Variants in TASP1 observed in about 807,000 individuals in gnomAD.
TASP1 encodes threonine aspartase 1.
TASP1 carries 16 observed loss-of-function variants against 56.6 expected under a neutral mutation model. That is an observed-to-expected ratio of 0.28 (90% CI 0.19 to 0.43). The LOEUF is 0.43. TASP1 is among the 20% of genes least tolerant of loss of function. TASP1 has a pLI of 1.00. For synonymous variants in TASP1, 179 were observed against 184.2 expected (o/e 0.97, Z 0.23); for missense variants, 393 against 511.6 (o/e 0.77, Z 2.24).
intron 4 of TASP1, among the ~76,000 whole-genome samples, chr20:13,598,279 A>G (rs1252986548): frequency 1.3e-5 from 2 of 152,340 alleles, no homozygotes; most frequent in Middle Eastern, 3.4e-3. Context: ...CTGACTTCAA[A>G]CTATACTACA....
At chr20:13,478,006 T>C (rs756525126) in intron 11 of TASP1, among the ~76,000 whole-genome samples, 4 of 152,150 alleles carry the variant, frequency 2.6e-5, no homozygotes, top group South Asian at 2.1e-4. Context: ...TTATCAAAAA[T>C]AGATTTAAAC....
the TASP1 span, among the ~76,000 whole-genome samples, chr20:13,139,262 G>A: frequency 6.6e-6 from 1 of 152,162 alleles, no homozygotes; most frequent in Non-Finnish European, 1.5e-5. Flanking sequence ...GAAAGATAAA[G>A]GGGTATTGGG....
chr20:13,245,636 C>G, the TASP1 span, among the ~76,000 whole-genome samples: 3 of 152,190 alleles, frequency 2.0e-5, no homozygotes, highest in African/African-American at 7.2e-5. Context: ...CCTGCACACT[C>G]TAGTGTAGTT....
the TASP1 span, among the ~76,000 whole-genome samples, chr20:13,231,814 G>T: frequency 6.6e-6 from 1 of 152,174 alleles, no homozygotes; most frequent in South Asian, 2.1e-4. Context: ...TGAGCTGCCT[G>T]ATTTGCAGTT....
At chr20:13,221,877 A>C in the TASP1 span, 1 of 1,412,732 alleles carries the variant, frequency 7.1e-7, no homozygotes. Flanking sequence ...GACGGGCCCG[A>C]CGCGGCCGCG....
intron 4 of TASP1, among the ~76,000 whole-genome samples, chr20:13,620,060 T>C (rs1039046552): frequency 2.0e-5 from 3 of 152,256 alleles, no homozygotes; most frequent in African/African-American, 7.2e-5. Flanking sequence ...ATAGGAACTT[T>C]TGCACCCGCC....
At chr20:13,290,147 G>C in the TASP1 span, among the ~76,000 whole-genome samples, 4 of 152,184 alleles carry the variant, frequency 2.6e-5, no homozygotes, top group African/African-American at 9.7e-5. Context: ...CAAAACAGTG[G>C]AGCAACCATT....
chr20:13,584,841 C>T (rs186463830), intron 5 of TASP1, among the ~76,000 whole-genome samples: 1 of 152,194 alleles, frequency 6.6e-6, no homozygotes, highest in African/African-American at 2.4e-5. Flanking sequence ...CCTAGAAAAA[C>T]GCACATGAAA....
chr20:13,403,902 C>T (rs2041827227), intron 13 of TASP1, among the ~76,000 whole-genome samples: 1 of 151,940 alleles, frequency 6.6e-6, no homozygotes, highest in South Asian at 2.1e-4. Flanking sequence ...AAAACAAAAA[C>T]CCAGATAGTC....
At chr20:13,285,302 TAAAA>T in the TASP1 span, among the ~76,000 whole-genome samples, 1 of 142,050 alleles carries the variant, frequency 7.0e-6, no homozygotes, top group African/African-American at 2.7e-5. Context: ...GCTTAAAAAA[TAAAA>T]AAGAAAGGAA....
chr20:13,530,685 G>C (rs533026753), intron 9 of TASP1, among the ~76,000 whole-genome samples: 1 of 152,262 alleles, frequency 6.6e-6, no homozygotes, highest in African/African-American at 2.4e-5. Flanking sequence ...CTTACCCTTT[G>C]CTCCTTCCCT....
At chr20:13,550,313 A>C (rs1348207812) in intron 8 of TASP1, among the ~76,000 whole-genome samples, 1 of 152,110 alleles carries the variant, frequency 6.6e-6, no homozygotes, top group African/African-American at 2.4e-5. Flanking sequence ...AATGCCAATC[A>C]TCAGGCTTTA....
chr20:13,251,109 T>G, the TASP1 span, among the ~76,000 whole-genome samples: 2 of 152,188 alleles, frequency 1.3e-5, no homozygotes, highest in African/African-American at 2.4e-5. Flanking sequence ...CCTATAATAC[T>G]TTAATTATTC....
chr20:13,303,527 A>AT, the TASP1 span, among the ~76,000 whole-genome samples: 9 of 152,182 alleles, frequency 5.9e-5, no homozygotes, highest in African/African-American at 2.2e-4. Flanking sequence ...CAGGGGCAAC[A>AT]TAACAGGCAC....
At chr20:13,153,785 G>T in the TASP1 span, among the ~76,000 whole-genome samples, 1 of 152,226 alleles carries the variant, frequency 6.6e-6, no homozygotes, top group South Asian at 2.1e-4. Flanking sequence ...GCACCTCGTA[G>T]AACCCTCCAC....
chr20:13,163,789 A>G, the TASP1 span, among the ~76,000 whole-genome samples: 1 of 152,182 alleles, frequency 6.6e-6, no homozygotes, highest in Non-Finnish European at 1.5e-5. Context: ...ATTAGACCCT[A>G]ATATTATCTT....
chr20:13,106,237 T>C, the TASP1 span, among the ~76,000 whole-genome samples: 2 of 152,220 alleles, frequency 1.3e-5, no homozygotes, highest in Non-Finnish European at 2.9e-5. Flanking sequence ...TCTACGTTCT[T>C]TCTCCAGGAA....
At chr20:13,274,244 C>T in the TASP1 span, among the ~76,000 whole-genome samples, 1 of 152,156 alleles carries the variant, frequency 6.6e-6, no homozygotes, top group Admixed American at 6.5e-5. Context: ...AGCCCTCACC[C>T]CTTCCTCAGA....
the TASP1 span, among the ~76,000 whole-genome samples, chr20:13,225,447 A>G: frequency 6.6e-6 from 1 of 152,224 alleles, no homozygotes; most frequent in Admixed American, 6.5e-5. Flanking sequence ...ATACACATAC[A>G]TTATATATAC....
Sources: allele counts gnomAD v4.1 joint callset (sites outside exome capture counted in the v4.1 genomes callset), GRCh38; gene constraint gnomAD v4.1.1; transcripts MANE v1.5; gene names NCBI Gene and HGNC (gene_info 2026-07-23, HGNC 2026-07-21).